CACNA1A: variants seen among roughly 807,000 people sequenced by gnomAD.
CACNA1A encodes the protein voltage-dependent P/Q-type calcium channel subunit alpha-1A.
Under a neutral mutation model 262.4 loss-of-function variants are expected in CACNA1A, and 57 were observed. That is an observed-to-expected ratio of 0.22 (90% CI 0.18 to 0.27). CACNA1A has a LOEUF of 0.27. CACNA1A is among the 10% of genes least tolerant of loss of function. CACNA1A has a pLI of 1.00. For synonymous variants in CACNA1A, 1,431 were observed against 1,419.3 expected (o/e 1.01, Z -0.18); for missense variants, 2,526 against 3,562.8 (o/e 0.71, Z 7.41).
rs890186991 is a variant in CACNA1A, at chr19:13,308,777, A to T, written c.1669-249T>A. The T allele has an allele frequency of 5.0e-5, 16 of 321,906 alleles. No homozygotes were observed. Among genetic ancestry groups the T allele is most frequent in the Non-Finnish European group, 8.5e-5 (15 of 176,192 alleles). 19.9% of individuals were successfully genotyped at this position (321,906 alleles called of 1,614,324 possible). ...CTGCAGCACTGTCCTCCTGGGCTTA[A>T]GTGATCCTCCCACCTCAGCCTCTTG... is the stretch of plus-strand genomic sequence containing the variant. On this transcript the variant is annotated intron_variant, in intron 12 of 46. Transcript: ENST00000360228. This position sits in a 1 kb window ranked among gnomAD's most constrained non-coding sequence, Gnocchi z 4.2.
intron 3 of CACNA1A, among the ~76,000 whole-genome samples, chr19:13,401,820 A>G (rs2059904808): frequency 6.6e-6 from 1 of 151,844 alleles, no homozygotes; most frequent in African/African-American, 2.4e-5. Flanking sequence ...ACCTCATTGC[A>G]CCCCTCACCA....
At chr19:13,373,699 G>A (rs1314443884) in intron 3 of CACNA1A, among the ~76,000 whole-genome samples, 1 of 152,094 alleles carries the variant, frequency 6.6e-6, no homozygotes, top group Non-Finnish European at 1.5e-5. Context: ...TCTATTCTGG[G>A]TCATCCTAAA....
intron 11 of CACNA1A, chr19:13,315,115 T>C (rs2058100839): frequency 6.6e-6 from 1 of 151,944 alleles, no homozygotes; most frequent in Non-Finnish European, 1.5e-5. Flanking sequence ...GAGTCTGAGA[T>C]CCAGAGAAAC....
chr19:13,261,857 C>G (rs1360458277), intron 25 of CACNA1A: 9 of 441,144 alleles, frequency 2.0e-5, no homozygotes, highest in Non-Finnish European at 3.7e-5. Context: ...TTAAGTGATA[C>G]AGGAGCCCAA....
intron 1 of CACNA1A, among the ~76,000 whole-genome samples, chr19:13,486,716 C>A (rs1429802739): frequency 1.3e-5 from 2 of 151,948 alleles, no homozygotes; most frequent in East Asian, 3.9e-4. Context: ...ACCTCCATAT[C>A]TCTCCCTCTC....
intron 3 of CACNA1A, among the ~76,000 whole-genome samples, chr19:13,415,743 T>TAAAAAAAAAAAAAAAAAAACAAAAA (rs2060208181): frequency 2.4e-5 from 1 of 42,506 alleles, no homozygotes; most frequent in African/African-American, 8.2e-5. Flanking sequence ...CTGTCTCAAT[T>TAAAAAAAAAAAAAAAAAAACAAAAA]AAAAAAAAAA....
At chr19:13,295,479 T>TATTCTTTC (rs2057644725) in intron 19 of CACNA1A, among the ~76,000 whole-genome samples, 1 of 151,036 alleles carries the variant, frequency 6.6e-6, no homozygotes, top group East Asian at 2.0e-4. Context: ...TGTTTGGGTT[T>TATTCTTTC]TTTCTTTCTT....
intron 30 of CACNA1A, among the ~76,000 whole-genome samples, chr19:13,250,308 C>T (rs1333247041): frequency 6.6e-6 from 1 of 151,998 alleles, no homozygotes; most frequent in Non-Finnish European, 1.5e-5. Flanking sequence ...GATCTGCCCT[C>T]CTCAAGCTCC....
intron 3 of CACNA1A, among the ~76,000 whole-genome samples, chr19:13,413,286 TC>T (rs2060146812): frequency 1.3e-5 from 2 of 151,546 alleles, no homozygotes; most frequent in Non-Finnish European, 2.9e-5. Context: ...TTTTGTATTT[TC>T]AGTAGAGATG....
At position 13,470,203 on chromosome 19, in the gene CACNA1A, C is replaced by A. The variant is rs190328146; in HGVS notation, c.294-14991G>T. On this transcript the variant is annotated intron_variant, in intron 1 of 46. Coordinates refer to ENST00000360228, the MANE Select transcript of CACNA1A (RefSeq NM_001127222.2). The stretch of plus-strand genomic sequence containing the variant: ...TTGACTGAAAATTTTCCTTCAGCCA[C>A]CAACCAATTTCTCTACTCCCCTTCA... 7.2e-5 allele frequency among the ~76,000 whole-genome samples: 11 copies of A among 152,290 alleles called. No homozygotes were observed. In the East Asian group the frequency reaches 2.1e-3, roughly 29 times the overall value.
At chr19:13,249,248 C>CA (rs1302461407) in intron 30 of CACNA1A, among the ~76,000 whole-genome samples, 2 of 152,216 alleles carry the variant, frequency 1.3e-5, no homozygotes, top group African/African-American at 2.4e-5. Flanking sequence ...GGACTACAGG[C>CA]ATGAGCCACC....
rs772222010 is a variant in CACNA1A at position 13,231,888 on chromosome 19, G to A, written c.5250-28C>T. ...GAGGACAGGGAGAAATCAGAGACTC[G>A]GACACCCAGCCCTGACTGGGTACCA... On this transcript the variant is annotated intron_variant, in intron 34 of 46. Transcript: ENST00000360228. 5.6e-6 allele frequency: 9 copies of A among 1,602,502 alleles called. No homozygotes were observed. In the Admixed American group the frequency reaches 8.4e-5, roughly 15 times the overall value.
intron 3 of CACNA1A, among the ~76,000 whole-genome samples, chr19:13,387,622 T>C (rs1164812799): frequency 1.1e-4 from 17 of 152,122 alleles, no homozygotes; most frequent in Admixed American, 9.8e-4. Context: ...TCTCTGCTGG[T>C]TGGAAGTCAG....
intron 1 of CACNA1A, among the ~76,000 whole-genome samples, chr19:13,477,220 G>A (rs972742748): frequency 6.6e-6 from 1 of 152,142 alleles, no homozygotes; most frequent in Non-Finnish European, 1.5e-5. Flanking sequence ...TGGCTCCAAT[G>A]CCATCGCCTC....
chr19:13,412,976 T>C (rs554124087), intron 3 of CACNA1A, among the ~76,000 whole-genome samples: 81 of 152,178 alleles, frequency 5.3e-4, no homozygotes, highest in Admixed American at 1.3e-3. Context: ...TAGGACCAGG[T>C]GTGGGGGCTC....
chr19:13,276,327 T>G (rs1203046085), intron 23 of CACNA1A, among the ~76,000 whole-genome samples: 1 of 152,230 alleles, frequency 6.6e-6, no homozygotes, highest in Non-Finnish European at 1.5e-5. Flanking sequence ...ACCAGCCTGA[T>G]CCTGTCCCCG....
chr19:13,348,046 G>A (rs1425194203), intron 6 of CACNA1A, among the ~76,000 whole-genome samples: 1 of 151,948 alleles, frequency 6.6e-6, no homozygotes, highest in Non-Finnish European at 1.5e-5. Context: ...TCAGCCTCCC[G>A]AGTAGCTGGG....
intron 6 of CACNA1A, among the ~76,000 whole-genome samples, chr19:13,348,554 A>T (rs531375759): frequency 6.6e-6 from 1 of 152,138 alleles, no homozygotes; most frequent in Non-Finnish European, 1.5e-5. Flanking sequence ...AATACAAAAA[A>T]TTGGCAGGCA....
chr19:13,229,011 T>G (rs1600124852), intron 36 of CACNA1A: 1 of 302,490 alleles, frequency 3.3e-6, no homozygotes, highest in Non-Finnish European at 6.1e-6. Flanking sequence ...GCACCTCCCC[T>G]GGGGCTCTCT....
Sources: gnomAD v4.1 joint callset for allele counts (sites outside exome capture counted in the v4.1 genomes callset) on GRCh38, gnomAD v4.1.1 for gene constraint, Gnocchi (gnomAD v3.1) non-coding constraint, MANE v1.5 for transcripts, NCBI Gene and HGNC (gene_info 2026-07-23, HGNC 2026-07-21) for gene names.